Variants in ARHGEF40 observed in about 807,000 individuals in gnomAD.
ARHGEF40 encodes the protein Rho guanine nucleotide exchange factor 40.
A neutral mutation model predicts 165.9 loss-of-function variants in ARHGEF40; 98 were observed. The ratio of observed to expected loss-of-function variants is 0.59; its 90% CI spans 0.50 to 0.70. ARHGEF40 has a LOEUF of 0.70. Among genes scored for constraint, ARHGEF40 ranks in the 30% least tolerant of loss-of-function variants. The pLI is 0.00. For synonymous variants in ARHGEF40, 792 were observed against 814.3 expected, an observed-to-expected ratio of 0.97 and a Z score of 0.47; for missense variants, 1,815 against 1,968.0, an observed-to-expected ratio of 0.92 and a Z score of 1.47.
At chr14:21,078,088 A>G in intron 8 of ARHGEF40, 89 bp from the exon 9 acceptor site, 1 of 1,190,834 alleles carries the variant, frequency 8.4e-7, no homozygotes, top group South Asian at 1.6e-5. Flanking sequence ...CCTCCATAAA[A>G]GTCTCTGGGG....
In ARHGEF40 at chr14:21,075,018, C is replaced by T; in HGVS notation, c.1288C>T (p.Leu430=). Residue 430 remains leucine (L), a synonymous_variant, in exon 3 of 24, where the codon CTG becomes TTG. Transcript: ENST00000298694. This position sits in a 1 kb window ranked among gnomAD's most constrained non-coding sequence, Gnocchi z 4.5. The stretch of plus-strand genomic sequence containing the variant: ...TGAGCACAAGCTTCCAGAATGCCAC[C>T]TGGTTAAGGAGGAATATGAAGGCTC... ...PSEHKLPECH[L]VKEEYEGSGK... is the part of the protein sequence containing the mutation. 1 of 1,613,816 alleles carries T rather than the reference C, an allele frequency of 6.2e-7. No homozygotes were observed.
In ARHGEF40 at chr14:21,081,973, G is replaced by C; in HGVS notation, c.3105G>C (p.Val1035=). 6.3e-7 allele frequency: 1 copy of C among 1,594,504 alleles called. No individual in the cohort carries two copies. Among genetic ancestry groups the C allele is most frequent in the African/African-American group, 1.3e-5 (1 of 74,590 alleles). The part of the protein sequence containing the change: ...PEAEGRPPRA[V]LIRGLEVTST... ...CAGAGGGCAGGCCCCCAAGAGCTGT[G>C]CTGATCCGAGGCCTGGAGGTCACCA... Residue 1035 remains valine, a synonymous_variant, in exon 14 of 24, where the codon GTG becomes GTC. Transcript: ENST00000298694.
Position 21,081,578 on chromosome 14 carries a change from G to A in ARHGEF40, c.2710G>A (p.Ala904Thr). The A allele has an allele frequency of 6.2e-7, 1 of 1,612,390 alleles. No homozygotes were observed. Among genetic ancestry groups the A allele is most frequent in the East Asian group, 2.2e-5 (1 of 44,832 alleles). The change falls in exon 14 of 24, where the codon GCT becomes ACT. Residue 904 changes from alanine (A) to threonine (T), a missense_variant. Physicochemically the swap from Ala to Thr is moderately conservative, Grantham distance 58 (BLOSUM62 0). Coordinates refer to ENST00000298694, the MANE Select transcript of ARHGEF40 (RefSeq NM_018071.5). Reference sequence around the variant, plus strand: ...TGGGCCGGGTCGGGAGGCTGTGCTGGCTGCACTGGCCCTGCGGCGGGCCCC... The same window carrying A: ...TGGGCCGGGTCGGGAGGCTGTGCTGACTGCACTGGCCCTGCGGCGGGCCCC... The part of the protein sequence containing the change: ...GAGPGREAVL[A>T]ALALRRAPEP...
intron 8 of ARHGEF40, among the ~76,000 whole-genome samples, chr14:21,077,546 GT>G (rs1887531568): frequency 6.6e-6 from 1 of 152,120 alleles, no homozygotes; most frequent in African/African-American, 2.4e-5. Flanking sequence ...CAAAAGGCTG[GT>G]TCTTGTTCCA....
In ARHGEF40 at chr14:21,074,892, C is replaced by A; in HGVS notation, c.1162C>A (p.Arg388=). The change falls in exon 3 of 24, where the codon CGA becomes AGA. Residue 388 remains arginine, a synonymous_variant. Transcript: ENST00000298694. This position sits in a 1 kb window ranked among gnomAD's most constrained non-coding sequence, Gnocchi z 4.8. ...GNRRKKRAAG[R]GALSRGGDSA... is the part of the protein sequence containing the mutation. ...CAGAAGAAAGAAGCGAGCTGCAGGT[C>A]GAGGGGCTCTTAGCCGAGGAGGGGA... 1.2e-6 allele frequency: 2 copies of A among 1,610,286 alleles called. No individual in the cohort carries two copies.
Position 21,076,590 on chromosome 14 carries a change from C to T in ARHGEF40, c.1864C>T (p.Arg622Trp). The change falls in exon 7 of 24, where the codon CGG becomes TGG. Residue 622 changes from arginine to tryptophan, a missense_variant. Arg to Trp is a moderately radical substitution (Grantham distance 101). Coordinates refer to ENST00000298694, the MANE Select transcript of ARHGEF40 (RefSeq NM_018071.5). ...CTCAGGAGATCCTCCCCTTGTTCAG[C>T]GGCTGCTGATTCTCATTCATGATGA... ...QDSGDPPLVQ[R>W]LLILIHDDLP... 2.5e-6 allele frequency: 4 copies of T among 1,614,220 alleles called. No homozygotes were observed. The highest frequency in any genetic ancestry group is 3.4e-6 in the Non-Finnish European group (4 of 1,180,048).
chr14:21,079,028 C>A lies in ARHGEF40; in HGVS notation c.2373+18C>A, dbSNP rs141620116. 14 of 1,607,640 alleles carry A rather than the reference C, an allele frequency of 8.7e-6. No homozygotes were observed. In the African/African-American group the frequency reaches 9.3e-5, roughly 11 times the overall value. On this transcript the variant is annotated intron_variant, in intron 11 of 23. Transcript: ENST00000298694. ...TCCAGCAGGTGAGCCAGGATCCCCA[C>A]GTCCCTCTTACTCAGCCTGGGAGTG...
rs1436989757 is a variant in ARHGEF40, at chr14:21,080,629, A to AC, written c.2374-26dup. On this transcript the variant is annotated intron_variant, in intron 11 of 23. Transcript: ENST00000298694. ...CCCTTCCTTGCCTTTCCACTCCATG[A>AC]CCCCCTGCCCTCCCACCCCATCTGC... 9 of 1,593,752 alleles carry AC rather than the reference A, an allele frequency of 5.6e-6. No homozygotes were observed. The African/African-American group carries it at 1.2e-4, about 21-fold the overall frequency.
chr14:21,070,353 C>G lies in ARHGEF40; in HGVS notation c.-44C>G. On this transcript the variant is annotated 5_prime_UTR_variant, in exon 1 of 24. Coordinates refer to ENST00000298694, the MANE Select transcript of ARHGEF40 (RefSeq NM_018071.5). This position sits in a 1 kb window ranked among gnomAD's most constrained non-coding sequence, Gnocchi z 4.7. ...GGAGGGAGGCGGTGGCGCGCCCGGC[C>G]CCGCCCGCCCGACCAAGCGTCGGAC... 1 of 1,406,554 alleles carries G rather than the reference C, an allele frequency of 7.1e-7. No individual in the cohort carries two copies. Among genetic ancestry groups the G allele is most frequent in the Non-Finnish European group, 9.2e-7 (1 of 1,086,522 alleles). The allele number at this position is 1,406,554 out of a possible 1,614,324, so 87.1% of individuals were successfully genotyped here. A position where few individuals can be genotyped will look rare whatever the true frequency, so the allele number is the denominator to read the frequency against.
chr14:21,074,803 G>A lies in ARHGEF40; in HGVS notation c.1073G>A (p.Gly358Glu), dbSNP rs116108291. The stretch of plus-strand genomic sequence containing the variant: ...CTGAGGCCAGGGGAGCTTAGAGGAG[G>A]AGGAGGAGGAGGCCAGGGGGCTGAA... ...CPLRPGELRGGGGGGQGAEGP... is the reference protein window; with the variant it reads ...CPLRPGELRGEGGGGQGAEGP... Residue 358 changes from glycine (G) to glutamate (E), a missense_variant, in exon 3 of 24, where the codon GGA becomes GAA. Transcript: ENST00000298694. The surrounding 1 kb of genome is among the most constrained non-coding windows in gnomAD (Gnocchi z 4.8). The A allele has an allele frequency of 4.2e-5, 67 of 1,604,734 alleles. No individual in the cohort carries two copies. The African/African-American group carries it at 7.8e-4, about 19-fold the overall frequency.
chr14:21,069,971 C>T (rs1380333821), upstream of ARHGEF40, among the ~76,000 whole-genome samples: 1 of 152,198 alleles, frequency 6.6e-6, no homozygotes, highest in Non-Finnish European at 1.5e-5. Flanking sequence ...CTAAACTGAT[C>T]CCGCGGGGAG....
chr14:21,074,858 C>G lies in ARHGEF40; in HGVS notation c.1128C>G (p.Gly376=), dbSNP rs1054121927. ...EGPPGTPRRT[G]KGNRRKKRAA... The stretch of plus-strand genomic sequence containing the variant: ...CACCTGGTACCCCTCGGAGAACAGG[C>G]AAAGGAAACAGAAGAAAGAAGCGAG... Residue 376 remains glycine (G), a synonymous_variant, in exon 3 of 24, where the codon GGC becomes GGG. Transcript: ENST00000298694. This position sits in a 1 kb window ranked among gnomAD's most constrained non-coding sequence, Gnocchi z 4.8. 4 of 1,610,446 alleles carry G rather than the reference C, an allele frequency of 2.5e-6. No homozygotes were observed. The South Asian group carries it at 3.3e-5, about 13-fold the overall frequency.
rs763259503 is a variant in ARHGEF40 at position 21,081,509 on chromosome 14, G to A, written c.2641G>A (p.Ala881Thr). 5.0e-6 allele frequency: 8 copies of A among 1,612,782 alleles called. No homozygotes were observed. Among genetic ancestry groups the A allele is most frequent in the Middle Eastern group, 1.6e-4 (1 of 6,084 alleles). The stretch of plus-strand genomic sequence containing the variant: ...ATCCCCAACCCCTTTGACTTCGTAG[G>A]CACATGAATGGGTGGATGAGGGCTT... ...ALRLQRFFQQ[A>T]HEWVDEGFAR... is the part of the protein sequence containing the mutation. The change falls in exon 14 of 24, where the codon GCA (alanine) becomes ACA (threonine). Residue 881 changes from alanine (A) to threonine (T), a missense_variant and splice_region_variant. Physicochemically the swap from Ala to Thr is moderately conservative, Grantham distance 58. Coordinates refer to ENST00000298694, the MANE Select transcript of ARHGEF40 (RefSeq NM_018071.5).
chr14:21,079,727 A>G (rs1387230985), intron 11 of ARHGEF40, among the ~76,000 whole-genome samples: 1 of 152,186 alleles, frequency 6.6e-6, no homozygotes, highest in Non-Finnish European at 1.5e-5. Flanking sequence ...GCGGGGGCCA[A>G]GACTTTCTGT....
upstream of ARHGEF40, among the ~76,000 whole-genome samples, chr14:21,066,100 A>G (rs974811436): frequency 5.3e-5 from 8 of 152,234 alleles, no homozygotes; most frequent in African/African-American, 1.9e-4. Flanking sequence ...CTTTTTTTCA[A>G]CAATAACAAC....
At position 21,081,686 on chromosome 14, in the gene ARHGEF40, C is replaced by T. The variant is rs539150611; in HGVS notation, c.2818C>T (p.Arg940Cys). 63 of 1,587,908 alleles carry T rather than the reference C, an allele frequency of 4.0e-5. No homozygotes were observed. The African/African-American group carries it at 5.9e-4, about 15-fold the overall frequency. Residue 940 changes from arginine to cysteine, a missense_variant, in exon 14 of 24, where the codon CGC becomes TGC. Arg to Cys is a radical substitution (Grantham distance 180). Transcript: ENST00000298694. ...GSPAALREWG[R>C]CQARCQELER... Reference sequence around the variant, plus strand: ...CCCAGCAGCCCTGCGAGAATGGGGCCGCTGCCAGGCCCGCTGCCAAGAGCT... The same window carrying T: ...CCCAGCAGCCCTGCGAGAATGGGGCTGCTGCCAGGCCCGCTGCCAAGAGCT...
intron 11 of ARHGEF40, among the ~76,000 whole-genome samples, chr14:21,080,199 GACACACACACACACACACAC>G (rs71112543): frequency 1.3e-4 from 18 of 135,318 alleles, no homozygotes; most frequent in African/African-American, 3.6e-4. Context: ...ATTAAAGCCG[GACACACACACACACACACAC>G]ACACACACAC....
At chr14:21,070,187 G>A (rs1391576897), upstream of ARHGEF40, 8 of 275,830 alleles carry the variant, frequency 2.9e-5, no homozygotes, top group East Asian at 6.7e-4. The surrounding 1 kb of genome is among the most constrained non-coding windows in gnomAD (Gnocchi z 4.7). Flanking sequence ...AGGCGGGGGC[G>A]GGCGCTGAAG....
At position 21,080,967 on chromosome 14, in the gene ARHGEF40, T is replaced by C. The variant is rs1475435652; in HGVS notation, c.2591T>C (p.Val864Ala). The change falls in exon 13 of 24, where the codon GTT becomes GCT. Residue 864 changes from valine (V) to alanine (A), a missense_variant. By Grantham distance (64) the Val-to-Ala change is moderately conservative. Transcript: ENST00000298694. The part of the protein sequence containing the change: ...LDIFEQRLEQ[V>A]ESGLHRALRL... ...ATCTTTGAACAGCGGCTGGAGCAGG[T>C]TGAGAGTGGCCTCCATCGGGCCCTG... 1.2e-6 allele frequency: 2 copies of C among 1,614,044 alleles called. No homozygotes were observed. Among genetic ancestry groups the C allele is most frequent in the African/African-American group, 1.3e-5 (1 of 74,936 alleles).
Sources: allele counts gnomAD v4.1 joint callset (sites outside exome capture counted in the v4.1 genomes callset), GRCh38; gene constraint gnomAD v4.1.1; non-coding constraint Gnocchi (gnomAD v3.1); transcripts MANE v1.5; gene names NCBI Gene and HGNC (gene_info 2026-07-23, HGNC 2026-07-21).